Variants in KLHDC4 observed in about 807,000 individuals in gnomAD.
KLHDC4 encodes kelch domain-containing protein 4.
In KLHDC4, 90 loss-of-function variants were observed where a neutral mutation model predicts 62.4. That is an observed-to-expected ratio of 1.44 (90% CI 1.22 to 1.72). The LOEUF (loss-of-function observed/expected upper bound fraction) is 1.72. Ranked by LOEUF, KLHDC4 falls within the 40% of genes most tolerant of loss-of-function variation. The pLI, the probability that KLHDC4 is intolerant of heterozygous loss-of-function variation, is 0.00. For missense variants in KLHDC4, 1,025 were observed against 699.7 expected, an observed-to-expected ratio of 1.47 and a Z score of -5.25; for synonymous variants, 386 against 284.4, an observed-to-expected ratio of 1.36 and a Z score of -3.59.
intron 6 of KLHDC4, among the ~76,000 whole-genome samples, chr16:87,727,305 G>C (rs1453166738): frequency 5.3e-5 from 8 of 152,200 alleles, no homozygotes; most frequent in African/African-American, 1.7e-4. Flanking sequence ...AAGCCATACT[G>C]CGTTTTCTTA....
At chr16:87,736,113 C>A (rs2143008925) in intron 5 of KLHDC4, among the ~76,000 whole-genome samples, 1 of 152,310 alleles carries the variant, frequency 6.6e-6, no homozygotes, top group East Asian at 1.9e-4. Context: ...GCGACCTTGT[C>A]ATTGTGCTGT....
At chr16:87,731,026 T>C (rs572422474) in intron 5 of KLHDC4, 2 of 149,526 alleles carry the variant, frequency 1.3e-5, no homozygotes, top group Non-Finnish European at 2.9e-5. Flanking sequence ...ATGACTTGTA[T>C]CCAGAATACA....
intron 7 of KLHDC4, among the ~76,000 whole-genome samples, chr16:87,719,906 G>C (rs55896004): frequency 6.6e-6 from 1 of 152,118 alleles, no homozygotes; most frequent in African/African-American, 2.4e-5. Context: ...GTTTGGAGGC[G>C]CATCGGCCGC....
At chr16:87,728,214 C>A (rs1050694373) in intron 6 of KLHDC4, among the ~76,000 whole-genome samples, 1 of 152,130 alleles carries the variant, frequency 6.6e-6, no homozygotes, top group African/African-American at 2.4e-5. Context: ...GATAACCTGA[C>A]CTTGCTGACT....
intron 7 of KLHDC4, among the ~76,000 whole-genome samples, chr16:87,718,209 T>TG (rs942859777): frequency 3.3e-5 from 5 of 152,184 alleles, no homozygotes; most frequent in African/African-American, 9.7e-5. Context: ...GGATCACCTG[T>TG]GCTCAAGCTC....
chr16:87,714,234 AG>A (rs1339387785), intron 8 of KLHDC4, among the ~76,000 whole-genome samples: 33 of 152,220 alleles, frequency 2.2e-4, no homozygotes, highest in Non-Finnish European at 3.2e-4. Flanking sequence ...ACTGCTCCAC[AG>A]AGGGCTGTCT....
At chr16:87,717,490 T>C (rs192029921) in intron 7 of KLHDC4, among the ~76,000 whole-genome samples, 11 of 152,330 alleles carry the variant, frequency 7.2e-5, no homozygotes, top group Admixed American at 3.3e-4. Flanking sequence ...GGGCTCCACA[T>C]TGGCCATATG....
intron 10 of KLHDC4, among the ~76,000 whole-genome samples, chr16:87,709,036 G>A (rs575368830): frequency 2.0e-5 from 3 of 152,364 alleles, no homozygotes; most frequent in South Asian, 4.1e-4. Context: ...CGCCAGAGCC[G>A]CAGCTCCCGT....
chr16:87,713,979 T>A (rs182591670), intron 8 of KLHDC4, among the ~76,000 whole-genome samples: 1 of 152,098 alleles, frequency 6.6e-6, no homozygotes, highest in Non-Finnish European at 1.5e-5. Flanking sequence ...TGAGGGCCAA[T>A]AGCAGTCTCG....
chr16:87,762,066 G>C (rs768255133), intron 1 of KLHDC4, 26 bp from the exon 2 acceptor site: 4 of 1,610,732 alleles, frequency 2.5e-6, no homozygotes, highest in Non-Finnish European at 3.4e-6. Context: ...AGGCACACGT[G>C]AGACTTATTC....
downstream of KLHDC4, among the ~76,000 whole-genome samples, chr16:87,706,040 C>G (rs1246100791): frequency 6.6e-6 from 1 of 150,956 alleles, no homozygotes; most frequent in Non-Finnish European, 1.5e-5. Context: ...CAACCTGCAG[C>G]CTGAGGGGAG....
In KLHDC4 at chr16:87,708,555, G is replaced by A. The variant is rs932638523; in HGVS notation, c.1448-89C>T. Reference sequence around the variant, plus strand: ...GGACGGTGGTGGCTACGTCCTGGGGGGATTCCATTTTCTTAAGAACCATAA... The same window carrying A: ...GGACGGTGGTGGCTACGTCCTGGGGAGATTCCATTTTCTTAAGAACCATAA... On this transcript the variant is annotated intron_variant, in intron 10 of 11. Coordinates refer to ENST00000270583, the MANE Select transcript of KLHDC4 (RefSeq NM_017566.4). The A allele has an allele frequency of 7.1e-6, 6 of 848,220 alleles. No individual in the cohort carries two copies. In the African/African-American group the frequency reaches 8.5e-5, roughly 12 times the overall value. 52.5% of individuals were successfully genotyped at this position (848,220 alleles called of 1,614,324 possible).
chr16:87,724,074 G>C (rs996330061), intron 7 of KLHDC4, among the ~76,000 whole-genome samples: 3 of 152,148 alleles, frequency 2.0e-5, no homozygotes, highest in African/African-American at 7.2e-5. Context: ...CTGACCTCGA[G>C]TGATCCGCCC....
intron 2 of KLHDC4, among the ~76,000 whole-genome samples, chr16:87,761,688 T>G (rs1282803427): frequency 1.3e-5 from 2 of 152,148 alleles, no homozygotes; most frequent in African/African-American, 4.8e-5. Flanking sequence ...CATCCCCACG[T>G]CACGACCAGT....
At chr16:87,746,642 C>T (rs1465426859) in intron 5 of KLHDC4, among the ~76,000 whole-genome samples, 1 of 152,154 alleles carries the variant, frequency 6.6e-6, no homozygotes, top group African/African-American at 2.4e-5. Flanking sequence ...CCAAGGAGAA[C>T]CAGAAATCAC....
intron 9 of KLHDC4, chr16:87,709,949 T>G (rs1283296315): frequency 1.6e-5 from 7 of 449,080 alleles, no homozygotes; most frequent in African/African-American, 1.4e-4. Flanking sequence ...CACTGAGAGG[T>G]GGACAGGCCC....
chr16:87,723,919 C>T (rs1206375362), intron 7 of KLHDC4, among the ~76,000 whole-genome samples: 1 of 152,236 alleles, frequency 6.6e-6, no homozygotes, highest in Non-Finnish European at 1.5e-5. Context: ...TCACTGCAAC[C>T]TCCGCCTCCC....
chr16:87,754,523 A>G (rs1567816807), intron 4 of KLHDC4, among the ~76,000 whole-genome samples: 1 of 152,212 alleles, frequency 6.6e-6, no homozygotes, highest in Non-Finnish European at 1.5e-5. Flanking sequence ...GGGGAAGGAA[A>G]TATTGCACAG....
downstream of KLHDC4, among the ~76,000 whole-genome samples, chr16:87,704,281 C>A (rs574233119): frequency 4.2e-4 from 62 of 146,544 alleles, 2 homozygotes; most frequent in South Asian, 0.012. Flanking sequence ...GGGAAGGAGG[C>A]GCCTGGGGAG....
Sources: allele counts gnomAD v4.1 joint callset (sites outside exome capture counted in the v4.1 genomes callset), GRCh38; gene constraint gnomAD v4.1.1; transcripts MANE v1.5; gene names NCBI Gene and HGNC (gene_info 2026-07-23, HGNC 2026-07-21).